LSM2: variants seen among roughly 807,000 people sequenced by gnomAD.
LSM2 encodes U6 snRNA-associated Sm-like protein LSm2.
In LSM2, 12 loss-of-function variants were observed where a neutral mutation model predicts 17.0. The ratio of observed to expected loss-of-function variants is 0.70; its 90% CI spans 0.45 to 1.14. The LOEUF (loss-of-function observed/expected upper bound fraction) is 1.14. LSM2 is among the 50% of genes most tolerant of loss of function. The probability of loss-of-function intolerance (pLI) is 0.00; values close to 1 mark genes in which losing one functional copy is unlikely to be tolerated. For synonymous variants in LSM2, 42 were observed against 44.5 expected (o/e 0.94, Z 0.22); for missense variants, 62 against 111.8 (o/e 0.55, Z 2.01).
At chr6:31,801,035 G>A (rs1027617194) in intron 2 of LSM2, among the ~76,000 whole-genome samples, 1 of 151,670 alleles carries the variant, frequency 6.6e-6, no homozygotes, top group Non-Finnish European at 1.5e-5. Context: ...TTAGCTGTGT[G>A]TGGTGCATGC....
chr6:31,806,029 C>T (rs1815012237), intron 2 of LSM2, 46 bp downstream of exon 2: 3 of 1,559,820 alleles, frequency 1.9e-6, no homozygotes, highest in Non-Finnish European at 2.6e-6. Flanking sequence ...GTTCCAGGGC[C>T]CTGGGCACAC....
At chr6:31,802,757 C>CA (rs1296494893) in intron 2 of LSM2, 1 of 151,038 alleles carries the variant, frequency 6.6e-6, no homozygotes, top group Non-Finnish European at 1.5e-5. Flanking sequence ...ACTGAAGATA[C>CA]AAAAAATGAG....
chr6:31,798,339 T>G (rs1173158579), intron 3 of LSM2, 138 bp downstream of exon 3: 1 of 1,013,336 alleles, frequency 9.9e-7, no homozygotes, highest in Non-Finnish European at 1.5e-6. Flanking sequence ...CTCAAAGTGC[T>G]GGGATTACAG....
chr6:31,801,625 T>C (rs1814708584), intron 2 of LSM2, among the ~76,000 whole-genome samples: 1 of 151,044 alleles, frequency 6.6e-6, no homozygotes, highest in Admixed American at 6.6e-5. Context: ...TGAAACCCCA[T>C]CCCTACTAAA....
At chr6:31,802,566 T>G (rs996967981) in intron 2 of LSM2, among the ~76,000 whole-genome samples, 1 of 145,668 alleles carries the variant, frequency 6.9e-6, no homozygotes, top group African/African-American at 2.6e-5. Context: ...TGGCGTAGAC[T>G]CGACCAGAGC....
At chr6:31,806,163 A>C in intron 1 of LSM2, 21 bp from the exon 2 acceptor site, 8 of 1,610,102 alleles carry the variant, frequency 5.0e-6, no homozygotes, top group Non-Finnish European at 6.8e-6. Context: ...AGAGGGGGAA[A>C]ACCATCATGT....
chr6:31,797,653 A>T lies in LSM2; in HGVS notation c.*104T>A. On this transcript the variant is annotated 3_prime_UTR_variant, in exon 5 of 5. Coordinates refer to ENST00000375661, the MANE Select transcript of LSM2 (RefSeq NM_021177.5). ...AAAAACCCACAAAACCATCATTAGT[A>T]AAAAAACAAAACCCCTTCAAGTATT... The T allele has an allele frequency of 3.9e-6, 6 of 1,541,056 alleles. No individual in the cohort carries two copies. The highest frequency in any genetic ancestry group is 5.3e-6 in the Non-Finnish European group (6 of 1,137,366).
intron 2 of LSM2, among the ~76,000 whole-genome samples, chr6:31,800,684 G>A (rs985308786): frequency 3.6e-4 from 55 of 151,966 alleles, no homozygotes; most frequent in Non-Finnish European, 7.1e-4. Flanking sequence ...TCAGGAGATC[G>A]AGACCATCCT....
chr6:31,798,561 T>A, intron 2 of LSM2, 54 bp from the exon 3 acceptor site: 1 of 1,587,968 alleles, frequency 6.3e-7, no homozygotes, highest in Non-Finnish European at 8.6e-7. Context: ...AAAGTCAACA[T>A]AGAGGTGACT....
Position 31,806,102 on chromosome 6 carries a change from A to G in LSM2, c.44T>C (p.Val15Ala). The change falls in exon 2 of 5, where the codon GTG becomes GCG. Residue 15 changes from valine (V) to alanine (A), a missense_variant. Val to Ala is a moderately conservative substitution (Grantham distance 64). Transcript: ENST00000375661. ...CAGGTCATTCTTTAGTTCCACGACC[A>G]CATCCTTGCCCACAAGGGACTTGAA... ...SFFKSLVGKD[V>A]VVELKNDLSI... is the part of the protein sequence containing the mutation. The G allele has an allele frequency of 1.2e-6, 2 of 1,612,990 alleles. No homozygotes were observed. Among genetic ancestry groups the G allele is most frequent in the Non-Finnish European group, 1.7e-6 (2 of 1,179,942 alleles).
chr6:31,798,472 C>T lies in LSM2; in HGVS notation c.102+5G>A, dbSNP rs1814516332. ...ACCAATTCTGGGGCCCGTGCTATAT[C>T]TCACCTGATCCACAGAATGGAGGGT... On this transcript the variant is annotated splice_donor_5th_base_variant and intron_variant, in intron 3 of 4. Transcript: ENST00000375661. 1 of 1,612,968 alleles carries T rather than the reference C, an allele frequency of 6.2e-7. No homozygotes were observed. Among genetic ancestry groups the T allele is most frequent in the Non-Finnish European group, 8.5e-7 (1 of 1,180,006 alleles).
rs192066467 is a variant in LSM2 at position 31,806,576 on chromosome 6, G to A, written c.3+179C>T. 884 of 877,670 alleles carry A rather than the reference G, an allele frequency of 1.0e-3. 5 individuals carry two copies. Among genetic ancestry groups the A allele is most frequent in the African/African-American group, 9.0e-3 (534 of 59,030 alleles). The allele number at this position is 877,670 out of a possible 1,614,324, so 54.4% of individuals were successfully genotyped here. On this transcript the variant is annotated intron_variant, in intron 1 of 4. Coordinates refer to ENST00000375661, the MANE Select transcript of LSM2 (RefSeq NM_021177.5). ...GGGTTGGGGTTTTTTCCCTCATCAT[G>A]GAAAAAATATCCCATTTGTTCTCAG...
chr6:31,798,059 G>A lies in LSM2; in HGVS notation c.103-10C>T. The A allele has an allele frequency of 6.3e-7, 1 of 1,578,860 alleles. No individual in the cohort carries two copies. The highest frequency in any genetic ancestry group is 8.6e-7 in the Non-Finnish European group (1 of 1,167,766). ...GTTTGATGTTGAGATACTAGGAAAG[G>A]AAGATGAACACCATTATTATTATTA... On this transcript the variant is annotated splice_polypyrimidine_tract_variant and intron_variant, in intron 3 of 4. Coordinates refer to ENST00000375661, the MANE Select transcript of LSM2 (RefSeq NM_021177.5).
intron 2 of LSM2, among the ~76,000 whole-genome samples, chr6:31,801,170 CAAAAAAA>C (rs9281582): frequency 1.9e-5 from 1 of 53,314 alleles, no homozygotes; most frequent in African/African-American, 6.3e-5. Context: ...GGATCTGTCT[CAAAAAAA>C]AAAAAAAAAA....
chr6:31,800,206 G>A (rs1013948992), intron 2 of LSM2, among the ~76,000 whole-genome samples: 3 of 151,924 alleles, frequency 2.0e-5, no homozygotes, highest in Non-Finnish European at 4.4e-5. Context: ...CATAGTGGCA[G>A]ACGCCTGTAA....
Position 31,806,787 on chromosome 6 carries a change from C to A in LSM2, c.-30G>T. 6.2e-7 allele frequency: 1 copy of A among 1,607,740 alleles called. No homozygotes were observed. On this transcript the variant is annotated 5_prime_UTR_variant, in exon 1 of 5. Transcript: ENST00000375661. ...CTGGCGCCGCGGGCAGCGGGCCGGA[C>A]CGGGAAGACAGCAGGGTGCTGCGAG...
intron 3 of LSM2, 28 bp from the exon 4 acceptor site, chr6:31,798,077 T>G: frequency 6.6e-7 from 1 of 1,508,522 alleles, no homozygotes; most frequent in Non-Finnish European, 8.8e-7. Context: ...ACACCATTAT[T>G]ATTATTATTT....
chr6:31,806,430 C>T, intron 1 of LSM2: 2 of 601,194 alleles, frequency 3.3e-6, no homozygotes, highest in Non-Finnish European at 5.9e-6. Context: ...GGGTACCTGC[C>T]CACTCCTTTC....
chr6:31,805,574 G>A (rs141601951), intron 2 of LSM2, among the ~76,000 whole-genome samples: 1 of 151,462 alleles, frequency 6.6e-6, no homozygotes, highest in East Asian at 2.0e-4. Flanking sequence ...CATCTTGACC[G>A]GGCTGGTCTT....
Sources: allele counts gnomAD v4.1 joint callset (sites outside exome capture counted in the v4.1 genomes callset), GRCh38; gene constraint gnomAD v4.1.1; transcripts MANE v1.5; gene names NCBI Gene and HGNC (gene_info 2026-07-23, HGNC 2026-07-21).